CSTF3: variants seen among roughly 807,000 people sequenced by gnomAD.
CSTF3 encodes the protein CF-1 77 kDa subunit.
A neutral mutation model predicts 105.8 loss-of-function variants in CSTF3; 29 were observed. The observed-to-expected ratio is 0.27, with a 90% confidence interval of 0.20 to 0.37. The LOEUF is 0.37. Ranked by LOEUF, CSTF3 falls within the 10% of genes least tolerant of loss-of-function variation. The pLI is 1.00. For missense variants in CSTF3, 357 were observed against 879.3 expected, an observed-to-expected ratio of 0.41 and a Z score of 7.51; for synonymous variants, 252 against 281.9, an observed-to-expected ratio of 0.89 and a Z score of 1.06.
At chr11:33,117,638 A>G (rs986041653) in intron 3 of CSTF3, among the ~76,000 whole-genome samples, 2 of 140,866 alleles carry the variant, frequency 1.4e-5, no homozygotes, top group Non-Finnish European at 3.1e-5. Context: ...GCTCTTAACC[A>G]CTATACTATA....
At chr11:33,108,093 C>A in intron 4 of CSTF3, 93 bp from the exon 5 acceptor site, 1 of 745,716 alleles carries the variant, frequency 1.3e-6, no homozygotes. Context: ...AATTCAGCTC[C>A]CTTTATGAAT....
chr11:33,142,212 C>CA (rs1401346757), intron 1 of CSTF3, among the ~76,000 whole-genome samples: 1 of 150,922 alleles, frequency 6.6e-6, no homozygotes, highest in Non-Finnish European at 1.5e-5. Flanking sequence ...TGAAAATACT[C>CA]AGAGAGAAAA....
intron 1 of CSTF3, among the ~76,000 whole-genome samples, chr11:33,146,419 G>A (rs1855783538): frequency 1.3e-5 from 2 of 151,926 alleles, no homozygotes; most frequent in African/African-American, 4.8e-5. Flanking sequence ...CAGATGTGGT[G>A]GTGCATGCCT....
intron 1 of CSTF3, chr11:33,156,754 T>C (rs1363502210): frequency 4.4e-6 from 2 of 453,260 alleles, no homozygotes; most frequent in Non-Finnish European, 8.8e-6. Context: ...ATCACTTAAG[T>C]CCAGGAGTTC....
chr11:33,118,803 T>G (rs1354162464), intron 3 of CSTF3, among the ~76,000 whole-genome samples: 2 of 151,508 alleles, frequency 1.3e-5, no homozygotes, highest in African/African-American at 2.4e-5. Context: ...AGAATGGTAA[T>G]CAAGTAGATT....
chr11:33,092,533 T>G (rs946394287), intron 15 of CSTF3, among the ~76,000 whole-genome samples, 193 bp from the exon 16 acceptor site: 1 of 152,194 alleles, frequency 6.6e-6, no homozygotes, highest in African/African-American at 2.4e-5. Flanking sequence ...CTCTTGGTGA[T>G]TGAGTAGCAG....
In CSTF3 at chr11:33,095,819, C is replaced by CAAAAA. The variant is rs71034651; in HGVS notation, c.1375+486_1375+487insTTTTT. On this transcript the variant is annotated intron_variant, in intron 15 of 20. Coordinates refer to ENST00000323959, the MANE Select transcript of CSTF3 (RefSeq NM_001326.3). ...CCTGGGCGACAGCGAGACTCTGTCT[C>CAAAAA]AAATAAATAAATAAATAAATAAATA... Among the ~76,000 whole-genome samples, 1,132 of 146,114 alleles carry CAAAAA rather than the reference C, an allele frequency of 7.7e-3. 21 individuals carry two copies. The highest frequency in any genetic ancestry group is 0.011 in the South Asian group (50 of 4,422).
chr11:33,120,864 A>G (rs951981807), intron 3 of CSTF3, among the ~76,000 whole-genome samples: 6 of 151,998 alleles, frequency 3.9e-5, no homozygotes, highest in African/African-American at 1.4e-4. Flanking sequence ...AAAGGTCTTT[A>G]TGAGTCCTAT....
chr11:33,120,069 G>A (rs1565010387), intron 3 of CSTF3, among the ~76,000 whole-genome samples: 1 of 151,602 alleles, frequency 6.6e-6, no homozygotes, highest in Non-Finnish European at 1.5e-5. Context: ...ATTCTAAAAG[G>A]TCAATCTAAA....
At chr11:33,104,805 C>A (rs974824460) in intron 8 of CSTF3, among the ~76,000 whole-genome samples, 8 of 152,204 alleles carry the variant, frequency 5.3e-5, no homozygotes, top group African/African-American at 1.9e-4. Flanking sequence ...TCTTCAATAA[C>A]TGTTAAAATC....
At chr11:33,105,792 G>T in intron 7 of CSTF3, 91 bp downstream of exon 7, 2 of 1,517,318 alleles carry the variant, frequency 1.3e-6, no homozygotes, top group Middle Eastern at 3.5e-4. Context: ...ACAACTCTAT[G>T]GAAAATAGTA....
intron 3 of CSTF3, among the ~76,000 whole-genome samples, chr11:33,124,791 T>TACA (rs1413780668): frequency 6.6e-6 from 1 of 152,216 alleles, no homozygotes; most frequent in Non-Finnish European, 1.5e-5. Context: ...TGACTCTGGG[T>TACA]ACAGAACTTT....
chr11:33,139,137 T>A (rs535030753), intron 3 of CSTF3, among the ~76,000 whole-genome samples: 167 of 152,036 alleles, frequency 1.1e-3, no homozygotes, highest in African/African-American at 2.4e-3. Context: ...CAAATTTTTT[T>A]AAAAAGTTTA....
At chr11:33,150,260 C>G (rs75649744) in intron 1 of CSTF3, among the ~76,000 whole-genome samples, 39 of 129,826 alleles carry the variant, frequency 3.0e-4, no homozygotes, top group African/African-American at 8.4e-4. Flanking sequence ...GAAAAGAAAA[C>G]AGGGCAAGTT....
Position 33,085,292 on chromosome 11 carries a change from A to G in CSTF3, c.1952-3T>C, listed in dbSNP as rs1428321192. 1 of 1,531,208 alleles carries G rather than the reference A, an allele frequency of 6.5e-7. No homozygotes were observed. The highest frequency in any genetic ancestry group is 1.4e-5 in the African/African-American group (1 of 71,706). 94.9% of individuals were successfully genotyped at this position (1,531,208 alleles called of 1,614,324 possible). On this transcript the variant is annotated splice_region_variant and splice_polypyrimidine_tract_variant and intron_variant, in intron 20 of 20. Transcript: ENST00000323959. ...GATCCTCACAGCTTCCTCAACAGCT[A>G]TTAAAACAAAACAACAAAACGTAAA... is the stretch of plus-strand genomic sequence containing the variant.
rs1300471016 is a variant in CSTF3 at position 33,103,156 on chromosome 11, A to AT, written c.613dup (p.Met205AsnfsTer3). 2.6e-6 allele frequency: 4 copies of AT among 1,567,000 alleles called. No homozygotes were observed. Among genetic ancestry groups the AT allele is most frequent in the Admixed American group, 2.0e-5 (1 of 51,244 alleles). On this transcript the variant is annotated frameshift_variant, in exon 9 of 21. Coordinates refer to ENST00000323959, the MANE Select transcript of CSTF3 (RefSeq NM_001326.3). LOFTEE classifies it high-confidence loss of function. ...ATAATCTCTACTCCGATCTTCAATC[A>AT]TTTTTTTAGCTAAATGAATATTGAT...
At chr11:33,101,705 G>A (rs1378766491) in intron 10 of CSTF3, among the ~76,000 whole-genome samples, 1 of 151,994 alleles carries the variant, frequency 6.6e-6, no homozygotes, top group African/African-American at 2.4e-5. Context: ...AATTTAAACA[G>A]GAAATAGGGA....
intron 3 of CSTF3, among the ~76,000 whole-genome samples, chr11:33,128,490 AATG>A (rs1855567364): frequency 6.6e-6 from 1 of 152,144 alleles, no homozygotes; most frequent in Non-Finnish European, 1.5e-5. Context: ...CAGAATTATA[AATG>A]ATATCTCAAC....
chr11:33,097,098 C>A, intron 13 of CSTF3, 120 bp from the exon 14 acceptor site: 2 of 709,522 alleles, frequency 2.8e-6, no homozygotes. Flanking sequence ...CTATTTAAAT[C>A]CACAAACTAA....
Sources: gnomAD v4.1 joint callset for allele counts (sites outside exome capture counted in the v4.1 genomes callset) on GRCh38, gnomAD v4.1.1 for gene constraint, MANE v1.5 for transcripts, NCBI Gene and HGNC (gene_info 2026-07-23, HGNC 2026-07-21) for gene names.